RGS6: variants seen among roughly 807,000 people sequenced by gnomAD.
The protein encoded by RGS6 is regulator of G protein signaling 6.
In RGS6, 30 loss-of-function variants were observed where a neutral mutation model predicts 78.5. The ratio of observed to expected loss-of-function variants is 0.38; its 90% CI spans 0.29 to 0.52. The LOEUF (loss-of-function observed/expected upper bound fraction) is 0.52, where lower values mean the gene tolerates loss of function less well. Among genes scored for constraint, RGS6 ranks in the 20% least tolerant of loss-of-function variants. The pLI, the probability that RGS6 is intolerant of heterozygous loss-of-function variation, is 0.85. For missense variants in RGS6, 495 were observed against 609.7 expected (o/e 0.81, Z 1.98); for synonymous variants, 206 against 206.0 (o/e 1.00, Z 0.00).
At chr14:72,610,703 C>T in the RGS6 span, among the ~76,000 whole-genome samples, 5 of 152,200 alleles carry the variant, frequency 3.3e-5, no homozygotes, top group African/African-American at 4.8e-5. Flanking sequence ...CCTGAGAGCG[C>T]GCTCAAGGGC....
the RGS6 span, chr14:72,629,598 T>C: frequency 2.6e-6 from 4 of 1,523,242 alleles, no homozygotes; most frequent in Non-Finnish European, 3.5e-6. Flanking sequence ...GATTTCTCCC[T>C]CCCACAGGGA....
At chr14:71,962,295 A>G (rs915224600) in intron 1 of RGS6, among the ~76,000 whole-genome samples, 3 of 150,760 alleles carry the variant, frequency 2.0e-5, no homozygotes, top group African/African-American at 7.5e-5. Flanking sequence ...GTGGCTGGGC[A>G]GAGGGAGGCC....
rs200396322 is a variant in RGS6, at chr14:72,084,119, A to C, written c.84+119244A>C. ...ACTAAGGACAAGTTTTGTGGAAGAC[A>C]ATTTTTCCCTGGATCTTGAGGGGAG... On this transcript the variant is annotated intron_variant, in intron 2 of 17. Coordinates refer to ENST00000553525, the MANE Select transcript of RGS6 (RefSeq NM_001204424.2). Among the ~76,000 whole-genome samples the C allele has an allele frequency of 3.9e-5, 6 of 152,314 alleles. No individual in the cohort carries two copies. In the East Asian group the frequency reaches 1.2e-3, roughly 29 times the overall value.
intron 2 of RGS6, among the ~76,000 whole-genome samples, chr14:72,136,194 G>T (rs1461702780): frequency 6.6e-6 from 1 of 151,984 alleles, no homozygotes; most frequent in Admixed American, 6.6e-5. Flanking sequence ...CTGTTCTCTG[G>T]GTAGGTCTAA....
chr14:72,323,415 T>G (rs375618128), intron 2 of RGS6, among the ~76,000 whole-genome samples: 13 of 151,658 alleles, frequency 8.6e-5, no homozygotes, highest in African/African-American at 3.1e-4. Context: ...CTAAATTAAG[T>G]TATACAGGTA....
intron 2 of RGS6, among the ~76,000 whole-genome samples, chr14:72,141,971 T>C (rs370668741): frequency 5.9e-5 from 9 of 152,114 alleles, no homozygotes; most frequent in Non-Finnish European, 1.2e-4. Context: ...TAAATACATA[T>C]TGAAGTAACT....
At chr14:72,585,037 T>C in the RGS6 span, among the ~76,000 whole-genome samples, 1 of 148,502 alleles carries the variant, frequency 6.7e-6, no homozygotes, top group Non-Finnish European at 1.5e-5. Flanking sequence ...GACCCAAGCA[T>C]TATGTCGTCT....
chr14:72,420,438 G>C (rs944747368), intron 3 of RGS6, among the ~76,000 whole-genome samples: 6 of 152,120 alleles, frequency 3.9e-5, no homozygotes, highest in Admixed American at 1.3e-4. Context: ...GGAACTTCTG[G>C]CTTAATTACA....
chr14:72,185,841 A>T (rs770810940), intron 2 of RGS6, among the ~76,000 whole-genome samples: 10 of 152,234 alleles, frequency 6.6e-5, no homozygotes, highest in Non-Finnish European at 1.2e-4. Flanking sequence ...GCTACTCAGG[A>T]GGCTGAAATT....
At chr14:72,504,825 C>G (rs921137133) in intron 13 of RGS6, among the ~76,000 whole-genome samples, 10 of 151,514 alleles carry the variant, frequency 6.6e-5, no homozygotes, top group African/African-American at 2.4e-4. Context: ...GGGATCTCAG[C>G]TCACTGCAAC....
At chr14:71,923,019 A>C in the RGS6 span, among the ~76,000 whole-genome samples, 1 of 152,232 alleles carries the variant, frequency 6.6e-6, no homozygotes, top group South Asian at 2.1e-4. Context: ...ACATGGCAGG[A>C]CTAAGGAGAA....
chr14:71,926,515 C>T, the RGS6 span, among the ~76,000 whole-genome samples: 30 of 142,432 alleles, frequency 2.1e-4, no homozygotes, highest in African/African-American at 7.0e-4. Flanking sequence ...ACCCAGGAGG[C>T]GGAGGTTGCA....
chr14:72,165,064 G>T (rs970395514), intron 2 of RGS6, among the ~76,000 whole-genome samples: 6 of 152,266 alleles, frequency 3.9e-5, no homozygotes, highest in Admixed American at 3.9e-4. Context: ...TTACTTCATT[G>T]GTAGCTCAGC....
At chr14:72,117,438 C>A (rs79106512) in intron 2 of RGS6, among the ~76,000 whole-genome samples, 8,969 of 152,106 alleles carry the variant, frequency 0.059, 308 homozygotes, top group African/African-American at 0.086. Flanking sequence ...CTCCCCCCCA[C>A]CCTTCACCTT....
At position 72,470,009 on chromosome 14, in the gene RGS6, A is replaced by G; in HGVS notation, c.462A>G (p.Glu154=). Residue 154 remains glutamate, a splice_region_variant and synonymous_variant, in exon 8 of 18, where the codon GAA becomes GAG. Coordinates refer to ENST00000553525, the MANE Select transcript of RGS6 (RefSeq NM_001204424.2). ...ARLELADYEA[E]NLARLQRAFA... ...TGTTGATTTTCATTTCTCATTAGGA[A>G]AACTTAGCAAGACTCCAGAGGGCCT... 6.2e-7 allele frequency: 1 copy of G among 1,611,924 alleles called. No homozygotes were observed. Among genetic ancestry groups the G allele is most frequent in the East Asian group, 2.2e-5 (1 of 44,824 alleles).
At chr14:71,936,534 A>G (rs979956406) in intron 1 of RGS6, among the ~76,000 whole-genome samples, 52 of 152,176 alleles carry the variant, frequency 3.4e-4, no homozygotes, top group Non-Finnish European at 8.8e-5. Flanking sequence ...CCCCTTGTCA[A>G]CTTGAACCCA....
chr14:72,343,593 T>C (rs1261657366), intron 2 of RGS6, among the ~76,000 whole-genome samples: 2 of 152,188 alleles, frequency 1.3e-5, no homozygotes, highest in East Asian at 1.9e-4. Context: ...TTCTGCCTTC[T>C]ATAGTGTGTA....
chr14:72,101,120 G>A (rs1224900858), intron 2 of RGS6, among the ~76,000 whole-genome samples: 1 of 152,204 alleles, frequency 6.6e-6, no homozygotes, highest in East Asian at 1.9e-4. Flanking sequence ...TGAGGCTGCA[G>A]TGAGCCGTGA....
intron 2 of RGS6, among the ~76,000 whole-genome samples, chr14:72,080,170 CT>C (rs1340712689): frequency 5.9e-5 from 9 of 152,092 alleles, no homozygotes; most frequent in Non-Finnish European, 1.3e-4. Flanking sequence ...CAAAGATTCC[CT>C]TTTCTCTATA....
Sources: gnomAD v4.1 joint callset for allele counts (sites outside exome capture counted in the v4.1 genomes callset) on GRCh38, gnomAD v4.1.1 for gene constraint, MANE v1.5 for transcripts, NCBI Gene and HGNC (gene_info 2026-07-23, HGNC 2026-07-21) for gene names.